The following TRAF4 variants were observed in gnomAD, a reference collection of about 807,000 sequenced individuals.
TRAF4 encodes TNF receptor-associated factor 4.
In TRAF4, 9 loss-of-function variants were observed where a neutral mutation model predicts 47.3. That is an observed-to-expected ratio of 0.19 (90% CI 0.11 to 0.33). TRAF4 has a LOEUF of 0.33. Among genes scored for constraint, TRAF4 ranks in the 10% least tolerant of loss-of-function variants. The pLI is 1.00. For synonymous variants in TRAF4, 236 were observed against 236.9 expected, an observed-to-expected ratio of 1.00 and a Z score of 0.04; for missense variants, 448 against 620.3, an observed-to-expected ratio of 0.72 and a Z score of 2.95.
chr17:28,744,963 C>T (rs1597810932), intron 1 of TRAF4: 1 of 152,504 alleles, frequency 6.6e-6, no homozygotes, highest in East Asian at 1.9e-4. Flanking sequence ...CGCAGGTTAG[C>T]CCTTGGCTCT....
intron 2 of TRAF4, chr17:28,747,518 C>T (rs1490682743): frequency 3.4e-6 from 2 of 580,162 alleles, no homozygotes; most frequent in Non-Finnish European, 6.1e-6. Context: ...TGTTCCCTCC[C>T]CTTCCGGTGG....
chr17:28,747,335 C>CGG, intron 2 of TRAF4, 71 bp downstream of exon 2: 1 of 1,563,730 alleles, frequency 6.4e-7, no homozygotes, highest in Non-Finnish European at 8.7e-7. Flanking sequence ...TGCTGGCAGC[C>CGG]AGTGGGCTCA....
At chr17:28,747,410 C>A in intron 2 of TRAF4, 146 bp downstream of exon 2, 1 of 993,048 alleles carries the variant, frequency 1.0e-6, no homozygotes, top group Non-Finnish European at 1.4e-6. Context: ...TTCCCTCCCA[C>A]CAGGCCAGTT....
At position 28,749,430 on chromosome 17, in the gene TRAF4, G is replaced by A. The variant is rs558013688; in HGVS notation, c.1266G>A (p.Thr422=). ...PNWKNFQKPG[T]WRGSLDESSL... is the part of the protein sequence containing the mutation. ...GGAAGAATTTCCAGAAGCCAGGCAC[G>A]TGGCGGGGCTCCCTGGATGAGAGTT... Residue 422 remains threonine (T), a synonymous_variant, in exon 7 of 7, where the codon ACG becomes ACA. Coordinates refer to ENST00000262395, the MANE Select transcript of TRAF4 (RefSeq NM_004295.4). 21 of 1,613,990 alleles carry A rather than the reference G, an allele frequency of 1.3e-5. No homozygotes were observed. The African/African-American group carries it at 1.3e-4, about 10-fold the overall frequency.
In TRAF4 at chr17:28,747,937, G is replaced by A. The variant is rs756482889; in HGVS notation, c.290G>A (p.Arg97His). 18 of 1,614,026 alleles carry A rather than the reference G, an allele frequency of 1.1e-5. No individual in the cohort carries two copies. Among genetic ancestry groups the A allele is most frequent in the East Asian group, 1.1e-4 (5 of 44,888 alleles). ...EEGCRWSGPL[R>H]HLQGHLNTCS... The stretch of plus-strand genomic sequence containing the variant: ...GGCTGCCGCTGGAGTGGGCCACTAC[G>A]TCATCTACAGGTGAGGCTCTGATGT... Residue 97 changes from arginine to histidine, a missense_variant, in exon 3 of 7, where the codon CGT (arginine) becomes CAT (histidine). Physicochemically the swap from Arg to His is conservative, Grantham distance 29 (BLOSUM62 0). Transcript: ENST00000262395.
rs1347001106 is a variant in TRAF4, at chr17:28,750,921, C to G, written c.*1344C>G. 1 of 152,166 alleles carries G rather than the reference C, an allele frequency of 6.6e-6. No individual in the cohort carries two copies. 9.4% of individuals were successfully genotyped at this position (152,166 alleles called of 1,614,324 possible). On this transcript the variant is annotated 3_prime_UTR_variant, in exon 7 of 7. Transcript: ENST00000262395. ...CACTGGTGAAATGCGGCTCACCTCC[C>G]AGATTTGTTGTAAAGATTAAATGAA...
chr17:28,748,754 T>G, intron 6 of TRAF4, 88 bp downstream of exon 6: 1 of 1,555,904 alleles, frequency 6.4e-7, no homozygotes, highest in East Asian at 2.3e-5. Context: ...GCCTTGGTGG[T>G]CCCTGCTGTG....
At position 28,748,247 on chromosome 17, in the gene TRAF4, C is replaced by T. The variant is rs748978333; in HGVS notation, c.463-15C>T. On this transcript the variant is annotated splice_polypyrimidine_tract_variant and intron_variant, in intron 4 of 6. Coordinates refer to ENST00000262395, the MANE Select transcript of TRAF4 (RefSeq NM_004295.4). Reference sequence around the variant, plus strand: ...GCCTAGGCATCTCTTAACTCAGCACCTCTGACATTTCCAGAGCCATGAGGG... The same window carrying T: ...GCCTAGGCATCTCTTAACTCAGCACTTCTGACATTTCCAGAGCCATGAGGG... 3.1e-6 allele frequency: 5 copies of T among 1,612,374 alleles called. No homozygotes were observed. The highest frequency in any genetic ancestry group is 1.3e-5 in the African/African-American group (1 of 74,978).
At position 28,749,078 on chromosome 17, in the gene TRAF4, G is replaced by T. The variant is rs755715842; in HGVS notation, c.914G>T (p.Gly305Val). 1.2e-6 allele frequency: 2 copies of T among 1,614,108 alleles called. No homozygotes were observed. Among genetic ancestry groups the T allele is most frequent in the East Asian group, 2.2e-5 (1 of 44,892 alleles). ...CGAGAGCTGGAGGAGCTATCAGTGG[G>T]CAGTGATGGCGTGCTCATCTGGAAG... ...LRRELEELSV[G>V]SDGVLIWKIG... Residue 305 changes from glycine (G) to valine (V), a missense_variant, in exon 7 of 7, where the codon GGC becomes GTC. Physicochemically the swap from Gly to Val is moderately radical, Grantham distance 109. Transcript: ENST00000262395.
At chr17:28,748,858 C>T in intron 6 of TRAF4, 87 bp from the exon 7 acceptor site, 2 of 1,508,586 alleles carry the variant, frequency 1.3e-6, no homozygotes, top group South Asian at 1.3e-5. Flanking sequence ...GTGCCTGCTA[C>T]CCTGTACCCA....
At position 28,749,794 on chromosome 17, in the gene TRAF4, A is replaced by T; in HGVS notation, c.*217A>T. Reference sequence around the variant, plus strand: ...AGGTCTTGGGGTCATGAAGGGCTGGAAACAAGTGACCCCAGGGCCTGTCTC... The same window carrying T: ...AGGTCTTGGGGTCATGAAGGGCTGGTAACAAGTGACCCCAGGGCCTGTCTC... On this transcript the variant is annotated 3_prime_UTR_variant, in exon 7 of 7. Transcript: ENST00000262395. 1.2e-6 allele frequency: 1 copy of T among 801,146 alleles called. No individual in the cohort carries two copies. Among genetic ancestry groups the T allele is most frequent in the Non-Finnish European group, 2.1e-6 (1 of 475,564 alleles). 49.6% of individuals were successfully genotyped at this position (801,146 alleles called of 1,614,324 possible).
rs2034561225 is a variant in TRAF4 at position 28,749,053 on chromosome 17, C to T, written c.889C>T (p.Arg297Ter). Residue 297 changes from arginine to a stop codon, truncating the protein, a stop_gained, in exon 7 of 7, where the codon CGA becomes TGA. Coordinates refer to ENST00000262395, the MANE Select transcript of TRAF4 (RefSeq NM_004295.4). LOFTEE classifies it high-confidence loss of function. ...ACGGCAGGAGCTGCAGGAGCTTCGG[C>T]GAGAGCTGGAGGAGCTATCAGTGGG... ...RQRQELQELR[R>*]ELEELSVGSD... is the part of the protein sequence containing the mutation. The T allele has an allele frequency of 6.2e-7, 1 of 1,613,722 alleles. No homozygotes were observed. The highest frequency in any genetic ancestry group is 1.3e-5 in the African/African-American group (1 of 74,948).
chr17:28,749,161 T>C lies in TRAF4; in HGVS notation c.997T>C (p.Phe333Leu). The C allele has an allele frequency of 6.2e-7, 1 of 1,614,098 alleles. No individual in the cohort carries two copies. Among genetic ancestry groups the C allele is most frequent in the South Asian group, 1.1e-5 (1 of 91,090 alleles). The change falls in exon 7 of 7, where the codon TTC (phenylalanine) becomes CTC (leucine). Residue 333 changes from phenylalanine to leucine, a missense_variant. Coordinates refer to ENST00000262395, the MANE Select transcript of TRAF4 (RefSeq NM_004295.4). ...EAKAKPNLEC[F>L]SPAFYTHKYG... Reference sequence around the variant, plus strand: ...CAAGGCCAAGCCCAACCTTGAGTGCTTCAGCCCAGCCTTCTACACACATAA... The same window carrying C: ...CAAGGCCAAGCCCAACCTTGAGTGCCTCAGCCCAGCCTTCTACACACATAA...
At position 28,750,123 on chromosome 17, in the gene TRAF4, G is replaced by A. The variant is rs2034580852; in HGVS notation, c.*546G>A. ...TTACCTGGGTTGGTTAGGTCCCTGG[G>A]AGGCTCAACCAAACTGAAGGCAAAG... On this transcript the variant is annotated 3_prime_UTR_variant, in exon 7 of 7. Coordinates refer to ENST00000262395, the MANE Select transcript of TRAF4 (RefSeq NM_004295.4). 3.8e-6 allele frequency: 2 copies of A among 524,072 alleles called. No homozygotes were observed. Among genetic ancestry groups the A allele is most frequent in the African/African-American group, 3.9e-5 (2 of 51,546 alleles). 32.5% of individuals were successfully genotyped at this position (524,072 alleles called of 1,614,324 possible). A position where few individuals can be genotyped will look rare whatever the true frequency, so the allele number is the denominator to read the frequency against.
chr17:28,749,465 T>C lies in TRAF4; in HGVS notation c.1301T>C (p.Phe434Ser). The C allele has an allele frequency of 6.2e-7, 1 of 1,613,904 alleles. No individual in the cohort carries two copies. The highest frequency in any genetic ancestry group is 8.5e-7 in the Non-Finnish European group (1 of 1,180,028). ...RGSLDESSLG[F>S]GYPKFISHQD... is the part of the protein sequence containing the mutation. ...TCCCTGGATGAGAGTTCTCTGGGCT[T>C]TGGTTATCCCAAGTTCATCTCCCAC... Residue 434 changes from phenylalanine to serine, a missense_variant, in exon 7 of 7, where the codon TTT becomes TCT. By Grantham distance (155) the Phe-to-Ser change is radical. Coordinates refer to ENST00000262395, the MANE Select transcript of TRAF4 (RefSeq NM_004295.4).
chr17:28,749,082 T>G lies in TRAF4; in HGVS notation c.918T>G (p.Ser306Arg). 6.2e-7 allele frequency: 1 copy of G among 1,614,066 alleles called. No individual in the cohort carries two copies. The highest frequency in any genetic ancestry group is 8.5e-7 in the Non-Finnish European group (1 of 1,180,032). ...AGCTGGAGGAGCTATCAGTGGGCAG[T>G]GATGGCGTGCTCATCTGGAAGATTG... ...RRELEELSVG[S>R]DGVLIWKIGS... is the part of the protein sequence containing the mutation. The change falls in exon 7 of 7, where the codon AGT becomes AGG. Residue 306 changes from serine (S) to arginine (R), a missense_variant. Ser to Arg is a moderately radical substitution (Grantham distance 110). Coordinates refer to ENST00000262395, the MANE Select transcript of TRAF4 (RefSeq NM_004295.4).
At chr17:28,746,150 G>A (rs547833463) in intron 1 of TRAF4, among the ~76,000 whole-genome samples, 1 of 152,344 alleles carries the variant, frequency 6.6e-6, no homozygotes, top group South Asian at 2.1e-4. Flanking sequence ...AGTGCCTCTA[G>A]AACTGGGCTC....
At chr17:28,747,346 G>C (rs2034530178) in intron 2 of TRAF4, 82 bp downstream of exon 2, 1 of 1,527,012 alleles carries the variant, frequency 6.5e-7, no homozygotes, top group Non-Finnish European at 8.9e-7. Flanking sequence ...AGTGGGCTCA[G>C]GGCCAGTGTC....
rs1210078443 is a variant in TRAF4 at position 28,744,379 on chromosome 17, G to GC, written c.143+128dup. The GC allele has an allele frequency of 4.3e-5, 49 of 1,126,722 alleles. No homozygotes were observed. The East Asian group carries it at 1.4e-3, about 32-fold the overall frequency. The allele number at this position is 1,126,722 out of a possible 1,614,324, so 69.8% of individuals were successfully genotyped here. On this transcript the variant is annotated intron_variant, in intron 1 of 6. Coordinates refer to ENST00000262395, the MANE Select transcript of TRAF4 (RefSeq NM_004295.4). ...GCTGCGACCCTGTGACCTCAGGGGCGCCCCGTGACGTCACGGGGAGGGATG... is the reference window on the plus strand; with the variant it reads ...GCTGCGACCCTGTGACCTCAGGGGCGCCCCCGTGACGTCACGGGGAGGGATG...
Sources: allele counts gnomAD v4.1 joint callset (sites outside exome capture counted in the v4.1 genomes callset), GRCh38; gene constraint gnomAD v4.1.1; transcripts MANE v1.5; gene names NCBI Gene and HGNC (gene_info 2026-07-23, HGNC 2026-07-21).